The following ANTXRL variants were observed in gnomAD, a reference collection of about 807,000 sequenced individuals.
ANTXRL encodes anthrax toxin receptor-like.
In ANTXRL, 63 loss-of-function variants were observed where a neutral mutation model predicts 75.4. That is an observed-to-expected ratio of 0.84 (90% confidence interval 0.68 to 1.03). The LOEUF (loss-of-function observed/expected upper bound fraction) is 1.03, where lower values mean the gene tolerates loss of function less well. ANTXRL is among the 50% of genes least tolerant of loss of function. The pLI is 0.00. For missense variants in ANTXRL, 797 were observed against 789.4 expected, an observed-to-expected ratio of 1.01 and a Z score of -0.12; for synonymous variants, 335 against 291.3, an observed-to-expected ratio of 1.15 and a Z score of -1.53.
Position 46,297,297 on chromosome 10 carries a change from T to C in ANTXRL, c.554T>C (p.Val185Ala). The C allele has an allele frequency of 6.5e-7, 1 of 1,536,544 alleles. No homozygotes were observed. ...MIIAMTDGELVAHAFQDTLRE... is the reference protein window; with the variant it reads ...MIIAMTDGELAAHAFQDTLRE... ...ATTGCTATGACTGATGGAGAACTGG[T>C]GGCACATGCATTTCAGGACACTCTC... Residue 185 changes from valine (V) to alanine (A), a missense_variant, in exon 6 of 17, where the codon GTG (valine) becomes GCG (alanine). Transcript: ENST00000620264.
chr10:46,304,699 T>C (rs1368450454), intron 10 of ANTXRL, among the ~76,000 whole-genome samples: 2 of 152,196 alleles, frequency 1.3e-5, no homozygotes, highest in Admixed American at 6.5e-5. Flanking sequence ...GACAACTTTC[T>C]CATATGGATG....
rs1215931239 is a variant in ANTXRL, at chr10:46,297,770, C to CG, written c.655-56dup. On this transcript the variant is annotated intron_variant, in intron 7 of 16. Coordinates refer to ENST00000620264, the MANE Select transcript of ANTXRL (RefSeq NM_001278688.3). ...GAGGGCAAGACACTGTCTCCTGGGC[C>CG]GGGGGTCTGCTGCATCCTCACCTCC... The CG allele has an allele frequency of 4.3e-6, 6 of 1,404,022 alleles. No individual in the cohort carries two copies. The Admixed American group carries it at 9.9e-5, about 23-fold the overall frequency. 87.0% of individuals were successfully genotyped at this position (1,404,022 alleles called of 1,614,324 possible).
chr10:46,286,998 A>G lies in ANTXRL; in HGVS notation c.-265A>G. 1.9e-6 allele frequency: 1 copy of G among 539,810 alleles called. No individual in the cohort carries two copies. The highest frequency in any genetic ancestry group is 4.8e-4 in the Middle Eastern group (1 of 2,062). The allele number at this position is 539,810 out of a possible 1,614,324, so 33.4% of individuals were successfully genotyped here. A position where few individuals can be genotyped will look rare whatever the true frequency, so the allele number is the denominator to read the frequency against. On this transcript the variant is annotated 5_prime_UTR_variant, in exon 1 of 17. Coordinates refer to ENST00000620264, the MANE Select transcript of ANTXRL (RefSeq NM_001278688.3). ...CACCATGTCAACCTTCCTGTCAACC[A>G]TAACAGAGAATTCTGTCCCCAGGGT...
chr10:46,294,146 C>T (rs1227527324), intron 3 of ANTXRL: 3 of 533,532 alleles, frequency 5.6e-6, no homozygotes, highest in Non-Finnish European at 1.0e-5. Flanking sequence ...ACTTCACGCT[C>T]CCCTGCCCTC....
At chr10:46,306,130 C>T (rs1431998643) in intron 10 of ANTXRL, among the ~76,000 whole-genome samples, 1 of 152,222 alleles carries the variant, frequency 6.6e-6, no homozygotes, top group Non-Finnish European at 1.5e-5. Flanking sequence ...ATGCCACTCT[C>T]TCAGCCCCAA....
chr10:46,321,993 T>A (rs557822805), intron 16 of ANTXRL, among the ~76,000 whole-genome samples: 1 of 152,280 alleles, frequency 6.6e-6, no homozygotes, highest in South Asian at 2.1e-4. Flanking sequence ...CCATAATATC[T>A]TAAGTGCTTT....
upstream of ANTXRL, among the ~76,000 whole-genome samples, chr10:46,286,160 G>A (rs369634895): frequency 6.6e-6 from 1 of 152,138 alleles, no homozygotes; most frequent in African/African-American, 2.4e-5. Flanking sequence ...GGGGGCCTGT[G>A]TTCCTGCCCA....
intron 1 of ANTXRL, among the ~76,000 whole-genome samples, chr10:46,288,158 A>G (rs1836840920): frequency 6.6e-6 from 1 of 152,028 alleles, no homozygotes; most frequent in African/African-American, 2.4e-5. Context: ...CTTTGGAGAG[A>G]TTGCCTTGGT....
intron 16 of ANTXRL, among the ~76,000 whole-genome samples, chr10:46,315,975 C>CA (rs1554964589): frequency 6.6e-6 from 1 of 152,106 alleles, no homozygotes; most frequent in Non-Finnish European, 1.5e-5. Context: ...AGGCCATCCC[C>CA]ACTACACACT....
At chr10:46,292,253 A>G in intron 2 of ANTXRL, 124 bp downstream of exon 2, 1 of 877,652 alleles carries the variant, frequency 1.1e-6, no homozygotes, top group Non-Finnish European at 1.8e-6. Flanking sequence ...GACACAGAGC[A>G]CAAGGTGGCA....
Position 46,297,866 on chromosome 10 carries a change from T to G in ANTXRL, c.690T>G (p.Phe230Leu). 1 of 1,535,924 alleles carries G rather than the reference T, an allele frequency of 6.5e-7. No homozygotes were observed. Among genetic ancestry groups the G allele is most frequent in the Non-Finnish European group, 8.7e-7 (1 of 1,146,754 alleles). ...TAIADSPGHVFAVENGFKALR... is the reference protein window; with the variant it reads ...TAIADSPGHVLAVENGFKALR... ...TTGCAGACAGCCCTGGCCACGTGTTTGCAGTGGAGAATGGCTTCAAGGCCC... is the reference window on the plus strand; with the variant it reads ...TTGCAGACAGCCCTGGCCACGTGTTGGCAGTGGAGAATGGCTTCAAGGCCC... The change falls in exon 8 of 17, where the codon TTT becomes TTG. Residue 230 changes from phenylalanine to leucine, a missense_variant. By Grantham distance (22) the Phe-to-Leu change is conservative. Transcript: ENST00000620264.
At chr10:46,306,955 C>CT (rs1838131540) in intron 11 of ANTXRL, 83 bp downstream of exon 11, 1 of 1,129,866 alleles carries the variant, frequency 8.9e-7, no homozygotes, top group East Asian at 2.6e-5. Context: ...AATGTGGATG[C>CT]CCCCCACCCC....
intron 10 of ANTXRL, among the ~76,000 whole-genome samples, chr10:46,306,487 G>C (rs1431108100): frequency 6.6e-6 from 1 of 152,070 alleles, no homozygotes; most frequent in Non-Finnish European, 1.5e-5. Flanking sequence ...ACCTCCTCTG[G>C]TCATGGACAT....
Position 46,296,231 on chromosome 10 carries a change from A to AT in ANTXRL, c.488dup (p.Glu164ArgfsTer18). On this transcript the variant is annotated frameshift_variant, in exon 5 of 17. Transcript: ENST00000620264. LOFTEE classifies it high-confidence loss of function. ...CATTTTCTTGCAGGCAATTCAACAG[A>AT]TCGAAAGTTTCAACTCCGGAAGTAA... 6.5e-7 allele frequency: 1 copy of AT among 1,535,788 alleles called. No individual in the cohort carries two copies. The highest frequency in any genetic ancestry group is 8.7e-7 in the Non-Finnish European group (1 of 1,146,726).
chr10:46,308,191 G>A (rs1838205912), intron 12 of ANTXRL, among the ~76,000 whole-genome samples: 1 of 152,160 alleles, frequency 6.6e-6, no homozygotes, highest in Non-Finnish European at 1.5e-5. Context: ...TTCCCTCTGG[G>A]TCTATCCTTG....
rs1838415322 is a variant in ANTXRL at position 46,311,439 on chromosome 10, C to T, written c.1174-71C>T. 4 of 1,426,366 alleles carry T rather than the reference C, an allele frequency of 2.8e-6. No individual in the cohort carries two copies. The South Asian group carries it at 6.0e-5, about 21-fold the overall frequency. 88.4% of individuals were successfully genotyped at this position (1,426,366 alleles called of 1,614,324 possible). ...CTTTCTGGTCCTTTCATTCCCCAGA[C>T]ACACATCTGGGAGTGGCCAGCACTG... On this transcript the variant is annotated intron_variant, in intron 14 of 16. Transcript: ENST00000620264.
intron 3 of ANTXRL, chr10:46,294,130 T>A: frequency 1.8e-6 from 1 of 548,782 alleles, no homozygotes; most frequent in Middle Eastern, 4.8e-4. Flanking sequence ...GTTCTCAGCC[T>A]CCCCCACTTC....
chr10:46,306,765 A>G, intron 10 of ANTXRL, 38 bp from the exon 11 acceptor site: 3 of 1,473,292 alleles, frequency 2.0e-6, no homozygotes, highest in Non-Finnish European at 2.7e-6. Flanking sequence ...GTGGACAGAC[A>G]GGTGCACTGA....
chr10:46,329,781 C>T lies in ANTXRL; in HGVS notation c.1593C>T (p.Asn531=), dbSNP rs116524794. The T allele has an allele frequency of 5.1e-5, 79 of 1,535,306 alleles. No individual in the cohort carries two copies. The South Asian group carries it at 7.6e-4, about 15-fold the overall frequency. ...TCAAACAGGCTCGCTGCAGCCCAAACATCTGCCTGAGACACAGCCAACACA... is the reference window on the plus strand; with the variant it reads ...TCAAACAGGCTCGCTGCAGCCCAAATATCTGCCTGAGACACAGCCAACACA... ...LALKQARCSP[N]ICLRHSQHSR... Residue 531 remains asparagine, a synonymous_variant, in exon 17 of 17, where the codon AAC becomes AAT. Transcript: ENST00000620264.
Sources: allele counts gnomAD v4.1 joint callset (sites outside exome capture counted in the v4.1 genomes callset), GRCh38; gene constraint gnomAD v4.1.1; transcripts MANE v1.5; gene names NCBI Gene and HGNC (gene_info 2026-07-23, HGNC 2026-07-21).